PRTG: variants seen among roughly 807,000 people sequenced by gnomAD.
PRTG encodes immunoglobulin superfamily, DCC subclass, member 5.
PRTG carries 67 observed loss-of-function variants against 122.5 expected under a neutral mutation model. The ratio of observed to expected loss-of-function variants is 0.55; its 90% CI spans 0.45 to 0.67. PRTG has a LOEUF of 0.67. Ranked by LOEUF, PRTG falls within the 30% of genes least tolerant of loss-of-function variation. The probability of loss-of-function intolerance (pLI) is 0.00; values close to 1 mark genes in which losing one functional copy is unlikely to be tolerated. For missense variants in PRTG, 1,435 were observed against 1,415.4 expected (o/e 1.01, Z -0.22); for synonymous variants, 554 against 501.1 (o/e 1.11, Z -1.41).
chr15:55,684,023 C>T (rs2059556644), intron 2 of PRTG, 92 bp from the exon 3 acceptor site: 4 of 1,112,666 alleles, frequency 3.6e-6, no homozygotes, highest in Non-Finnish European at 5.1e-6. Flanking sequence ...TGGACTTGAA[C>T]CCTTGCTTGG....
intron 2 of PRTG, among the ~76,000 whole-genome samples, chr15:55,697,781 C>T (rs1009182629): frequency 3.3e-5 from 5 of 152,150 alleles, no homozygotes; most frequent in Admixed American, 6.5e-5. Flanking sequence ...TGAGCCACCG[C>T]GCCCAGCCTC....
chr15:55,720,254 G>A (rs1055559924), intron 2 of PRTG, among the ~76,000 whole-genome samples: 12 of 151,320 alleles, frequency 7.9e-5, no homozygotes, highest in Non-Finnish European at 1.0e-4. Flanking sequence ...TTGGGAGGCT[G>A]GGGCAGGGAG....
chr15:55,727,495 A>G (rs1296844216), intron 2 of PRTG, among the ~76,000 whole-genome samples: 1 of 152,142 alleles, frequency 6.6e-6, no homozygotes, highest in Non-Finnish European at 1.5e-5. Context: ...AAGATTGAAT[A>G]AAAAATCTCC....
intron 15 of PRTG, 88 bp downstream of exon 15, chr15:55,637,082 A>C: frequency 8.6e-7 from 1 of 1,161,840 alleles, no homozygotes; most frequent in Non-Finnish European, 1.2e-6. Flanking sequence ...ATGTAAATTC[A>C]AAATAAACTC....
intron 11 of PRTG, among the ~76,000 whole-genome samples, chr15:55,667,570 CATA>C (rs1228667502): frequency 2.6e-5 from 4 of 151,912 alleles, no homozygotes; most frequent in Non-Finnish European, 5.9e-5. Context: ...CATATTTTGG[CATA>C]ATAATATATT....
intron 2 of PRTG, among the ~76,000 whole-genome samples, chr15:55,698,876 T>C (rs1428805007): frequency 1.5e-5 from 2 of 134,246 alleles, no homozygotes; most frequent in African/African-American, 5.7e-5. Context: ...GGGGAGAGAG[T>C]GCGGGGGTGG....
At chr15:55,698,695 C>A (rs774615446) in intron 2 of PRTG, among the ~76,000 whole-genome samples, 1 of 152,064 alleles carries the variant, frequency 6.6e-6, no homozygotes, top group Non-Finnish European at 1.5e-5. Context: ...ATGGATTTTA[C>A]CTTTAGAGAA....
intron 7 of PRTG, 100 bp downstream of exon 7, chr15:55,679,186 A>C: frequency 1.4e-6 from 1 of 732,722 alleles, no homozygotes. Context: ...AATAACTATC[A>C]AGATAATTTA....
intron 11 of PRTG, among the ~76,000 whole-genome samples, chr15:55,670,148 G>A (rs971201668): frequency 7.9e-5 from 12 of 152,174 alleles, no homozygotes; most frequent in Middle Eastern, 3.4e-3. Flanking sequence ...GCGTGTGTGT[G>A]TATATATATG....
At chr15:55,700,827 A>C (rs756732051) in intron 2 of PRTG, among the ~76,000 whole-genome samples, 5 of 152,190 alleles carry the variant, frequency 3.3e-5, no homozygotes, top group Non-Finnish European at 5.9e-5. Context: ...TGTTAAGAGA[A>C]TGAAAGAACA....
chr15:55,727,977 G>A (rs1332982154), intron 2 of PRTG, among the ~76,000 whole-genome samples: 1 of 152,100 alleles, frequency 6.6e-6, no homozygotes, highest in Non-Finnish European at 1.5e-5. Context: ...CGATCCTCAT[G>A]TCTCAGCCTC....
At chr15:55,682,124 A>G (rs540975879) in intron 4 of PRTG, among the ~76,000 whole-genome samples, 8 of 152,314 alleles carry the variant, frequency 5.3e-5, no homozygotes, top group African/African-American at 1.9e-4. Flanking sequence ...TAGAATACCA[A>G]AGACTGAATA....
At chr15:55,640,773 G>T (rs889251192) in intron 12 of PRTG, among the ~76,000 whole-genome samples, 6 of 151,844 alleles carry the variant, frequency 4.0e-5, no homozygotes, top group African/African-American at 1.5e-4. Context: ...ACTTTGGGAG[G>T]CCAAGGCGGG....
In PRTG at chr15:55,642,053, AGTCCCAGCTACTCGG is replaced by A. The variant is rs1332896277; in HGVS notation, c.2042-860_2042-846del. On this transcript the variant is annotated intron_variant, in intron 11 of 19. Coordinates refer to ENST00000389286, the MANE Select transcript of PRTG (RefSeq NM_173814.6). ...GCCGGGCGCAGTGGCGGGCGCCTGT[AGTCCCAGCTACTCGG>A]GAGGCTGAGGCAGGAGAATGGCGTG... Among the ~76,000 whole-genome samples, 3 of 150,686 alleles carry A rather than the reference AGTCCCAGCTACTCGG, an allele frequency of 2.0e-5. No homozygotes were observed. In the East Asian group the frequency reaches 5.8e-4, roughly 29 times the overall value.
chr15:55,639,771 G>A lies in PRTG; in HGVS notation c.2195C>T (p.Ala732Val). 14 of 1,614,196 alleles carry A rather than the reference G, an allele frequency of 8.7e-6. No homozygotes were observed. Among genetic ancestry groups the A allele is most frequent in the Non-Finnish European group, 1.2e-5 (14 of 1,180,034 alleles). The stretch of plus-strand genomic sequence containing the variant: ...CAGGAAGATGGAAGATGAGGTGTTA[G>A]CCTTCGCATAGAGATGGTGGGGTGG... The part of the protein sequence containing the change: ...PPPPHHLYAK[A>V]NTSSSIFLHW... The change falls in exon 13 of 20, where the codon GCT becomes GTT. Residue 732 changes from alanine to valine, a missense_variant. Ala to Val is a moderately conservative substitution (Grantham distance 64). Transcript: ENST00000389286.
rs369653346 is a variant in PRTG at position 55,658,302 on chromosome 15, G to A, written c.2041+14143C>T. Among the ~76,000 whole-genome samples, 12 of 151,806 alleles carry A rather than the reference G, an allele frequency of 7.9e-5. No individual in the cohort carries two copies. The South Asian group carries it at 2.1e-3, about 26-fold the overall frequency. On this transcript the variant is annotated intron_variant, in intron 11 of 19. Transcript: ENST00000389286. Reference sequence around the variant, plus strand: ...CTTGCAGTTAAATGTTTGTGCATGCGCATTATTGTTTTTATTTTTTTTTTT... The same window carrying A: ...CTTGCAGTTAAATGTTTGTGCATGCACATTATTGTTTTTATTTTTTTTTTT...
intron 17 of PRTG, among the ~76,000 whole-genome samples, chr15:55,626,114 CT>C (rs1167307120): frequency 6.6e-6 from 1 of 152,084 alleles, no homozygotes; most frequent in Non-Finnish European, 1.5e-5. Context: ...TCTCAAAATA[CT>C]AAGAAAATGA....
chr15:55,740,426 T>C lies in PRTG; in HGVS notation c.353A>G (p.Lys118Arg). Reference protein sequence around the residue: ...EGFYQCLAMNKYGAILSQKAH... With the variant: ...EGFYQCLAMNRYGAILSQKAH... The stretch of plus-strand genomic sequence containing the variant: ...TTTTTGACTAAGAATGGCTCCATAT[T>C]TGTTCATTGCCAAGCACTGATAAAA... Residue 118 changes from lysine (K) to arginine (R), a missense_variant, in exon 2 of 20, where the codon AAA becomes AGA. By Grantham distance (26) the Lys-to-Arg change is conservative (BLOSUM62 2). Transcript: ENST00000389286. 2 of 1,613,636 alleles carry C rather than the reference T, an allele frequency of 1.2e-6. No individual in the cohort carries two copies. The highest frequency in any genetic ancestry group is 1.7e-6 in the Non-Finnish European group (2 of 1,179,786).
At position 55,680,471 on chromosome 15, in the gene PRTG, T is replaced by A; in HGVS notation, c.814+20A>T. ...AAATTTAAGGAAAAGACTTTTTTTT[T>A]TTTTCCTGAGAAGACTTACCAAGGC... On this transcript the variant is annotated intron_variant, in intron 5 of 19. Transcript: ENST00000389286. 1 of 1,553,388 alleles carries A rather than the reference T, an allele frequency of 6.4e-7. No homozygotes were observed. Among genetic ancestry groups the A allele is most frequent in the Non-Finnish European group, 8.6e-7 (1 of 1,158,030 alleles).
Sources: allele counts gnomAD v4.1 joint callset (sites outside exome capture counted in the v4.1 genomes callset), GRCh38; gene constraint gnomAD v4.1.1; transcripts MANE v1.5; gene names NCBI Gene and HGNC (gene_info 2026-07-23, HGNC 2026-07-21).